Variants in MRTFB observed in about 807,000 individuals in gnomAD.
The protein encoded by MRTFB is myocardin related transcription factor B.
Under a neutral mutation model 104.2 loss-of-function variants are expected in MRTFB, and 29 were observed. That is an observed-to-expected ratio of 0.28 (90% CI 0.21 to 0.38). The LOEUF is 0.38. Among genes scored for constraint, MRTFB ranks in the 10% least tolerant of loss-of-function variants. MRTFB has a pLI of 1.00. For missense variants in MRTFB, 1,270 were observed against 1,341.6 expected, an observed-to-expected ratio of 0.95 and a Z score of 0.83; for synonymous variants, 535 against 519.5, an observed-to-expected ratio of 1.03 and a Z score of -0.41.
chr16:14,259,384 T>TG (rs2043663752), intron 16 of MRTFB, among the ~76,000 whole-genome samples: 1 of 152,204 alleles, frequency 6.6e-6, no homozygotes, highest in African/African-American at 2.4e-5. Flanking sequence ...TTTTTTTTAA[T>TG]GACAAAGTAT....
At chr16:14,243,483 G>A (rs759034629) in intron 10 of MRTFB, among the ~76,000 whole-genome samples, 9 of 152,332 alleles carry the variant, frequency 5.9e-5, no homozygotes, top group Non-Finnish European at 1.3e-4. Context: ...AAAGCCTGAA[G>A]CTGCAATGGA....
rs564366530 is a variant in MRTFB at position 14,208,789 on chromosome 16, A to G, written c.155-1454A>G. ...CATACTATCCTCAATCAACTTAGGG[A>G]AAAGATCTTTCTGTTAGCGCACAAT... is the stretch of plus-strand genomic sequence containing the variant. On this transcript the variant is annotated intron_variant, in intron 3 of 16. Coordinates refer to ENST00000571589, the MANE Select transcript of MRTFB (RefSeq NM_001308142.2). Among the ~76,000 whole-genome samples the G allele has an allele frequency of 1.1e-4, 16 of 152,338 alleles. No individual in the cohort carries two copies. In the East Asian group the frequency reaches 2.9e-3, roughly 28 times the overall value.
At chr16:14,018,253 A>C in the MRTFB span, among the ~76,000 whole-genome samples, 2 of 152,166 alleles carry the variant, frequency 1.3e-5, no homozygotes, top group Non-Finnish European at 2.9e-5. Flanking sequence ...TTATAGCTAC[A>C]TGAACTTGGG....
chr16:14,184,306 T>C (rs2039871587), intron 3 of MRTFB, among the ~76,000 whole-genome samples: 2 of 150,154 alleles, frequency 1.3e-5, no homozygotes, highest in South Asian at 4.2e-4. Context: ...CACTGTAACC[T>C]CTGCCTCCCG....
chr16:14,089,413 C>T (rs553381123), intron 2 of MRTFB, among the ~76,000 whole-genome samples: 1 of 152,276 alleles, frequency 6.6e-6, no homozygotes, highest in African/African-American at 2.4e-5. Flanking sequence ...AATATGTGAC[C>T]TTTTGTGTCT....
At chr16:14,191,058 C>A (rs533656562) in intron 3 of MRTFB, among the ~76,000 whole-genome samples, 1 of 152,196 alleles carries the variant, frequency 6.6e-6, no homozygotes, top group South Asian at 2.1e-4. Context: ...GGAAATACAT[C>A]GAGATTAAAT....
chr16:14,249,957 C>T (rs993286072), intron 13 of MRTFB, among the ~76,000 whole-genome samples: 4 of 152,060 alleles, frequency 2.6e-5, no homozygotes, highest in South Asian at 2.1e-4. Context: ...ATCTCCTCTG[C>T]GAGAGGAATC....
intron 3 of MRTFB, among the ~76,000 whole-genome samples, chr16:14,202,392 GA>G (rs1190624275): frequency 6.6e-6 from 1 of 152,036 alleles, no homozygotes; most frequent in African/African-American, 2.4e-5. Flanking sequence ...ACAAATAAAA[GA>G]AAAATGTATT....
chr16:14,018,160 C>T, the MRTFB span, among the ~76,000 whole-genome samples: 1 of 152,166 alleles, frequency 6.6e-6, no homozygotes, highest in Admixed American at 6.5e-5. Flanking sequence ...ACCCCTCTTC[C>T]TGAGTGTGGA....
intron 8 of MRTFB, among the ~76,000 whole-genome samples, chr16:14,232,668 T>G (rs1316803331): frequency 1.3e-5 from 2 of 152,172 alleles, no homozygotes; most frequent in Non-Finnish European, 2.9e-5. Context: ...CACGATTAAT[T>G]GCACACTCGC....
At chr16:14,079,969 T>C (rs865798464) in intron 2 of MRTFB, among the ~76,000 whole-genome samples, 5 of 152,300 alleles carry the variant, frequency 3.3e-5, no homozygotes, top group African/African-American at 9.6e-5. Context: ...TGGAAAAATA[T>C]GTTTTGTACA....
intron 3 of MRTFB, among the ~76,000 whole-genome samples, chr16:14,161,475 A>G (rs949394445): frequency 2.0e-5 from 3 of 152,214 alleles, no homozygotes; most frequent in Non-Finnish European, 2.9e-5. Flanking sequence ...TCCAACTATA[A>G]AAGATAAGAT....
intron 8 of MRTFB, among the ~76,000 whole-genome samples, chr16:14,228,946 T>C (rs1007825816): frequency 2.0e-5 from 3 of 152,162 alleles, no homozygotes; most frequent in African/African-American, 7.2e-5. Context: ...CATTGTTTAA[T>C]GGGTATAGTG....
intron 2 of MRTFB, among the ~76,000 whole-genome samples, chr16:14,122,217 C>T (rs1276350874): frequency 1.3e-5 from 2 of 149,428 alleles, no homozygotes; most frequent in African/African-American, 5.1e-5. Context: ...GACATTTTCC[C>T]CTTTCAGTAC....
chr16:14,234,022 T>TA, intron 8 of MRTFB, 124 bp from the exon 9 acceptor site: 2 of 1,180,848 alleles, frequency 1.7e-6, no homozygotes, highest in Non-Finnish European at 2.4e-6. Context: ...GACATAATCA[T>TA]ATATTTTTCC....
the MRTFB span, among the ~76,000 whole-genome samples, chr16:14,029,419 A>AATATATATAT: frequency 5.6e-5 from 5 of 88,904 alleles, no homozygotes; most frequent in East Asian, 1.5e-3. Context: ...AAAAAAAAAA[A>AATATATATAT]ATATATATAT....
intron 9 of MRTFB, among the ~76,000 whole-genome samples, chr16:14,236,044 T>G (rs1005313481): frequency 6.6e-6 from 1 of 152,084 alleles, no homozygotes; most frequent in African/African-American, 2.4e-5. Flanking sequence ...TAGTTGGGCA[T>G]GGTGGCACAC....
chr16:14,243,864 G>GTTTGTTTTTTTTTTTTTTTTTT lies in MRTFB; in HGVS notation c.1080-1661_1080-1660insGTTTTTTTTTTTTTTTTTTTTT, dbSNP rs750881308. Among the ~76,000 whole-genome samples, 113 of 124,612 alleles carry GTTTGTTTTTTTTTTTTTTTTTT rather than the reference G, an allele frequency of 9.1e-4. 9 individuals are homozygous for GTTTGTTTTTTTTTTTTTTTTTT. Among genetic ancestry groups the GTTTGTTTTTTTTTTTTTTTTTT allele is most frequent in the African/African-American group, 4.1e-3 (108 of 26,448 alleles). 81.8% of individuals were successfully genotyped at this position (124,612 alleles called of 152,430 possible). A position where few individuals can be genotyped will look rare whatever the true frequency, so the allele number is the denominator to read the frequency against. On this transcript the variant is annotated intron_variant, in intron 10 of 16. Transcript: ENST00000571589. ...CAGAGATTAGTTTTGCCTGTTTTGG[G>GTTTGTTTTTTTTTTTTTTTTTT]TTTTTTTTTTTTTGAGACAGAGTCT...
At chr16:14,167,661 A>G (rs546703669) in intron 3 of MRTFB, among the ~76,000 whole-genome samples, 6 of 151,922 alleles carry the variant, frequency 3.9e-5, no homozygotes, top group African/African-American at 1.4e-4. Context: ...TCTTTAATCT[A>G]TCTTTTTGTT....
Sources: allele counts gnomAD v4.1 joint callset (sites outside exome capture counted in the v4.1 genomes callset), GRCh38; gene constraint gnomAD v4.1.1; transcripts MANE v1.5; gene names NCBI Gene and HGNC (gene_info 2026-07-23, HGNC 2026-07-21).